NFAT5: variants seen among roughly 807,000 people sequenced by gnomAD.
NFAT5 encodes nuclear factor of activated T-cells 5.
NFAT5 carries 31 observed loss-of-function variants against 166.5 expected under a neutral mutation model. The ratio of observed to expected loss-of-function variants is 0.19; its 90% CI spans 0.14 to 0.25. The LOEUF (loss-of-function observed/expected upper bound fraction) is 0.25. Ranked by LOEUF, NFAT5 falls within the 10% of genes least tolerant of loss-of-function variation. NFAT5 has a pLI of 1.00. For synonymous variants in NFAT5, 612 were observed against 639.7 expected (o/e 0.96, Z 0.65); for missense variants, 1,449 against 1,821.8 (o/e 0.80, Z 3.72).
At chr16:69,694,845 G>A (rs955201061) in intron 13 of NFAT5, among the ~76,000 whole-genome samples, 1 of 152,170 alleles carries the variant, frequency 6.6e-6, no homozygotes, top group Non-Finnish European at 1.5e-5. Context: ...CATCTTTAAT[G>A]TTTATATACC....
rs1172130721 is a variant in NFAT5, at chr16:69,692,961, A to G, written c.3136A>G (p.Lys1046Glu). 6.2e-7 allele frequency: 1 copy of G among 1,614,188 alleles called. No individual in the cohort carries two copies. Among genetic ancestry groups the G allele is most frequent in the South Asian group, 1.1e-5 (1 of 91,082 alleles). Residue 1046 changes from lysine (K) to glutamate (E), a missense_variant, in exon 13 of 15, where the codon AAA (lysine) becomes GAA (glutamate). This residue lies in a region of NFAT5 where 891 missense variants were observed against 993.0 expected (regional missense o/e 0.90). Coordinates refer to ENST00000349945, the MANE Select transcript of NFAT5 (RefSeq NM_138713.4). ...TCAAGTTAACCTTTTTTCATCCACA[A>G]AAAGTATGATGAGTGTTCAGAATAG... ...QPQVNLFSST[K>E]SMMSVQNSGT...
chr16:69,664,866 A>G (rs559823180), intron 7 of NFAT5, among the ~76,000 whole-genome samples: 2 of 152,124 alleles, frequency 1.3e-5, no homozygotes, highest in East Asian at 3.9e-4. Context: ...CATCTCTGCT[A>G]AAAATACAAA....
At chr16:69,586,601 CTG>C (rs2032082128) in intron 2 of NFAT5, among the ~76,000 whole-genome samples, 1 of 152,038 alleles carries the variant, frequency 6.6e-6, no homozygotes, top group Non-Finnish European at 1.5e-5. Flanking sequence ...CGAGGTTTTG[CTG>C]TGTTTGCCAG....
At chr16:69,663,417 TTGTTA>T (rs1266756716) in intron 7 of NFAT5, among the ~76,000 whole-genome samples, 2 of 151,986 alleles carry the variant, frequency 1.3e-5, no homozygotes, top group East Asian at 1.9e-4. Flanking sequence ...TTATATTATT[TTGTTA>T]TGTTATATCA....
rs1395589429 is a variant in NFAT5, at chr16:69,647,140, A to C, written c.366A>C (p.Gln122His). ...CAGTCACCGACAGCAAGGCTATGCA[A>C]GTGGAGAGCTGCTCCTCAGCCGTGG... is the stretch of plus-strand genomic sequence containing the variant. The part of the protein sequence containing the change: ...STSVTDSKAM[Q>H]VESCSSAVGV... The change falls in exon 4 of 15, where the codon CAA (glutamine) becomes CAC (histidine). Residue 122 changes from glutamine to histidine, a missense_variant. Physicochemically the swap from Gln to His is conservative, Grantham distance 24. Transcript: ENST00000349945. The surrounding 1 kb of genome is among the most constrained non-coding windows in gnomAD (Gnocchi z 4.8). 1 of 1,614,120 alleles carries C rather than the reference A, an allele frequency of 6.2e-7. No homozygotes were observed. The highest frequency in any genetic ancestry group is 1.1e-5 in the South Asian group (1 of 91,082).
At chr16:69,631,312 T>G (rs935401942) in intron 3 of NFAT5, among the ~76,000 whole-genome samples, 6 of 152,014 alleles carry the variant, frequency 3.9e-5, no homozygotes, top group South Asian at 4.1e-4. Context: ...GCTTCTGTAA[T>G]CCCAGCTACT....
At chr16:69,574,874 G>A (rs571142480) in intron 2 of NFAT5, among the ~76,000 whole-genome samples, 63 of 152,022 alleles carry the variant, frequency 4.1e-4, no homozygotes, top group Non-Finnish European at 7.4e-4. Context: ...GTTTCACCAT[G>A]TTGGCCAGGA....
At chr16:69,662,671 A>G (rs1314575008) in intron 7 of NFAT5, among the ~76,000 whole-genome samples, 1 of 152,016 alleles carries the variant, frequency 6.6e-6, no homozygotes, top group African/African-American at 2.4e-5. Flanking sequence ...CGTGTTAGCC[A>G]GGATGGTCTC....
At chr16:69,649,389 C>G in intron 4 of NFAT5, 1 of 978,816 alleles carries the variant, frequency 1.0e-6, no homozygotes, top group Non-Finnish European at 1.2e-6. Flanking sequence ...TTTGCAGTTG[C>G]TAATTAAATA....
chr16:69,594,346 CGAG>C (rs921372751), intron 2 of NFAT5, among the ~76,000 whole-genome samples: 11 of 152,212 alleles, frequency 7.2e-5, no homozygotes, highest in Middle Eastern at 6.8e-3. Context: ...TCTGAACAGA[CGAG>C]GTAACACGTG....
intron 1 of NFAT5, among the ~76,000 whole-genome samples, chr16:69,567,966 C>A (rs560698420): frequency 1.3e-5 from 2 of 152,242 alleles, no homozygotes; most frequent in South Asian, 4.1e-4. Context: ...AGAGACAATT[C>A]AGCCTCTTTT....
intron 2 of NFAT5, among the ~76,000 whole-genome samples, chr16:69,578,429 G>C (rs1284038591): frequency 6.6e-6 from 1 of 152,172 alleles, no homozygotes; most frequent in East Asian, 1.9e-4. Flanking sequence ...CTGATAGCTA[G>C]TTTGAGATAT....
At chr16:69,588,980 C>CTTTTTTTTTTTTTTTTTTTTTTTTTTT (rs945918292) in intron 2 of NFAT5, among the ~76,000 whole-genome samples, 3 of 34,368 alleles carry the variant, frequency 8.7e-5, no homozygotes, top group Admixed American at 3.4e-4. Context: ...TTTCCTACTT[C>CTTTTTTTTTTTTTTTTTTTTTTTTTTT]TTTTTTTTTT....
intron 9 of NFAT5, among the ~76,000 whole-genome samples, chr16:69,674,651 TA>T (rs1354452418): frequency 6.6e-6 from 1 of 152,210 alleles, no homozygotes; most frequent in Non-Finnish European, 1.5e-5. Context: ...AAATCAGTTC[TA>T]AGAGTAATTT....
chr16:69,587,955 T>C (rs1292858057), intron 2 of NFAT5, among the ~76,000 whole-genome samples: 2 of 140,574 alleles, frequency 1.4e-5, no homozygotes, highest in East Asian at 2.1e-4. Flanking sequence ...TTTTTTTTTT[T>C]TTTTTTTTTT....
At chr16:69,600,816 T>C (rs1170063251) in intron 2 of NFAT5, among the ~76,000 whole-genome samples, 1 of 144,850 alleles carries the variant, frequency 6.9e-6, no homozygotes, top group Non-Finnish European at 1.5e-5. Context: ...CTTGAATTCA[T>C]AGTGGTACTG....
intron 2 of NFAT5, among the ~76,000 whole-genome samples, chr16:69,608,365 A>C (rs1303487002): frequency 6.6e-6 from 1 of 152,020 alleles, no homozygotes; most frequent in African/African-American, 2.4e-5. Context: ...GTTCTCTCTG[A>C]GTGTGTCTCT....
At chr16:69,646,839 G>A (rs143033798) in intron 3 of NFAT5, among the ~76,000 whole-genome samples, 189 bp from the exon 4 acceptor site, 85 of 152,246 alleles carry the variant, frequency 5.6e-4, no homozygotes, top group African/African-American at 1.9e-3. Context: ...TGCTATTTGG[G>A]CATTTTTAAA....
chr16:69,647,616 C>A lies in NFAT5; in HGVS notation c.812+30C>A. 6.6e-7 allele frequency: 1 copy of A among 1,504,376 alleles called. No homozygotes were observed. Among genetic ancestry groups the A allele is most frequent in the Non-Finnish European group, 8.8e-7 (1 of 1,131,502 alleles). 93.2% of individuals were successfully genotyped at this position (1,504,376 alleles called of 1,614,324 possible). Reference sequence around the variant, plus strand: ...GTATTCACATTTTTTAAAATTCTATCATCATTATGCAAAACAAACAAACAA... The same window carrying A: ...GTATTCACATTTTTTAAAATTCTATAATCATTATGCAAAACAAACAAACAA... On this transcript the variant is annotated intron_variant, in intron 4 of 14. Coordinates refer to ENST00000349945, the MANE Select transcript of NFAT5 (RefSeq NM_138713.4). This position sits in a 1 kb window ranked among gnomAD's most constrained non-coding sequence, Gnocchi z 4.8.
Sources: gnomAD v4.1 joint callset for allele counts (sites outside exome capture counted in the v4.1 genomes callset) on GRCh38, gnomAD v4.1.1 for gene constraint, gnomAD v4.1.1 regional missense constraint, Gnocchi (gnomAD v3.1) non-coding constraint, MANE v1.5 for transcripts, NCBI Gene and HGNC (gene_info 2026-07-23, HGNC 2026-07-21) for gene names.